Variants in GCLM observed in about 807,000 individuals in gnomAD.
GCLM encodes glutamate-cysteine ligase modifier subunit.
A neutral mutation model predicts 36.0 loss-of-function variants in GCLM; 15 were observed. That is an observed-to-expected ratio of 0.42 (90% CI 0.28 to 0.64). GCLM has a LOEUF of 0.64. Among genes scored for constraint, GCLM ranks in the 30% least tolerant of loss-of-function variants. GCLM has a pLI of 0.25. For missense variants in GCLM, 242 were observed against 325.5 expected (o/e 0.74, Z 1.97); for synonymous variants, 129 against 122.8 (o/e 1.05, Z -0.34).
chr1:93,905,173 C>CAAAAAA (rs921621833), intron 1 of GCLM, among the ~76,000 whole-genome samples: 1 of 68,320 alleles, frequency 1.5e-5, no homozygotes, highest in African/African-American at 4.2e-5. Flanking sequence ...ACTCTATTTC[C>CAAAAAA]AAAAAAAAAA....
At chr1:93,898,276 A>C (rs1043791393) in intron 3 of GCLM, among the ~76,000 whole-genome samples, 10 of 145,236 alleles carry the variant, frequency 6.9e-5, no homozygotes, top group African/African-American at 2.5e-4. Flanking sequence ...ACAAAGACTA[A>C]ATTGAAAATG....
At chr1:93,899,215 A>G (rs1170854520) in intron 3 of GCLM, among the ~76,000 whole-genome samples, 3 of 152,018 alleles carry the variant, frequency 2.0e-5, no homozygotes, top group Non-Finnish European at 4.4e-5. Flanking sequence ...CTGGGATTAT[A>G]GGCCTGCGCC....
At chr1:93,904,831 T>C (rs1412515811) in intron 1 of GCLM, among the ~76,000 whole-genome samples, 2 of 152,208 alleles carry the variant, frequency 1.3e-5, no homozygotes, top group African/African-American at 2.4e-5. Context: ...CTAATTACTT[T>C]AAAGCTTTTT....
intron 1 of GCLM, among the ~76,000 whole-genome samples, chr1:93,906,399 C>T (rs1657147905): frequency 6.6e-6 from 1 of 152,134 alleles, no homozygotes; most frequent in African/African-American, 2.4e-5. Flanking sequence ...ATCGGAAGTG[C>T]TTTGGCTCAA....
intron 2 of GCLM, among the ~76,000 whole-genome samples, chr1:93,904,047 GA>G (rs1164386546): frequency 6.6e-6 from 1 of 152,142 alleles, no homozygotes; most frequent in Non-Finnish European, 1.5e-5. Context: ...GTGAGCCTTT[GA>G]CTGAGTTGGA....
At chr1:93,893,712 T>C (rs1656616976) in intron 6 of GCLM, among the ~76,000 whole-genome samples, 1 of 152,246 alleles carries the variant, frequency 6.6e-6, no homozygotes, top group African/African-American at 2.4e-5. Context: ...TACTTAATAA[T>C]ATACAGGCTC....
chr1:93,890,821 T>G (rs61782165), intron 6 of GCLM, among the ~76,000 whole-genome samples: 9,603 of 152,034 alleles, frequency 0.063, 341 homozygotes, highest in South Asian at 0.093. Context: ...TACTTTACAC[T>G]TCTACCAGCA....
intron 2 of GCLM, among the ~76,000 whole-genome samples, chr1:93,903,937 T>C (rs1657053753): frequency 1.3e-5 from 2 of 152,198 alleles, no homozygotes; most frequent in South Asian, 2.1e-4. Context: ...AATGTCTATA[T>C]AGTAGCTATA....
intron 5 of GCLM, among the ~76,000 whole-genome samples, chr1:93,895,541 TTCCAGTAGC>T (rs1656695151): frequency 1.3e-5 from 2 of 152,160 alleles, no homozygotes; most frequent in Non-Finnish European, 2.9e-5. Context: ...AATTGACAGC[TTCCAGTAGC>T]TACACTGGTT....
intron 2 of GCLM, among the ~76,000 whole-genome samples, chr1:93,903,716 G>A (rs1175910084): frequency 6.6e-6 from 1 of 152,140 alleles, no homozygotes; most frequent in Non-Finnish European, 1.5e-5. Flanking sequence ...AATTTACAAG[G>A]ATAATGAGAA....
intron 4 of GCLM, among the ~76,000 whole-genome samples, chr1:93,897,450 G>GTA (rs1163852034): frequency 6.6e-6 from 1 of 151,218 alleles, no homozygotes; most frequent in East Asian, 1.9e-4. Flanking sequence ...TTTTATTTAA[G>GTA]TATTGAATAA....
chr1:93,908,754 C>A, intron 1 of GCLM: 1 of 244,504 alleles, frequency 4.1e-6, no homozygotes. Context: ...GGAAGAGGGA[C>A]CCAGGATGTT....
At position 93,905,240 on chromosome 1, in the gene GCLM, G is replaced by A. The variant is rs1657107199; in HGVS notation, c.127-652C>T. ...TAAGGTTTATAAACAAAGGAACTTG[G>A]AGTCAAGCCCAGGCTGTCTGACTAG... On this transcript the variant is annotated intron_variant, in intron 1 of 6. Coordinates refer to ENST00000370238, the MANE Select transcript of GCLM (RefSeq NM_002061.4). Among the ~76,000 whole-genome samples, 6 of 151,192 alleles carry A rather than the reference G, an allele frequency of 4.0e-5. No individual in the cohort carries two copies. The South Asian group carries it at 1.0e-3, about 26-fold the overall frequency.
intron 6 of GCLM, among the ~76,000 whole-genome samples, chr1:93,889,817 A>G (rs1160256108): frequency 3.3e-5 from 5 of 151,464 alleles, no homozygotes; most frequent in Non-Finnish European, 7.4e-5. Flanking sequence ...TAATTCATAT[A>G]TTTCCTTATT....
intron 6 of GCLM, among the ~76,000 whole-genome samples, chr1:93,889,900 T>A (rs996867622): frequency 1.5e-4 from 22 of 150,552 alleles, no homozygotes; most frequent in Admixed American, 4.6e-4. Context: ...ATTCTTTTTT[T>A]AAAAAATATA....
Position 93,889,185 on chromosome 1 carries a change from C to A in GCLM, c.656-26G>T, listed in dbSNP as rs749433572. 2.6e-6 allele frequency: 4 copies of A among 1,511,054 alleles called. No individual in the cohort carries two copies. In the South Asian group the frequency reaches 5.2e-5, roughly 20 times the overall value. The allele number at this position is 1,511,054 out of a possible 1,614,324, so 93.6% of individuals were successfully genotyped here. On this transcript the variant is annotated intron_variant, in intron 6 of 6. Transcript: ENST00000370238. ...CTAAAAGAAACAACAACAAACAAAA[C>A]TCCAGCGTGTTAAATTGGAAAACAA...
intron 2 of GCLM, chr1:93,904,267 T>C (rs559952066): frequency 1.6e-5 from 7 of 435,626 alleles, no homozygotes; most frequent in South Asian, 1.4e-4. Context: ...AATAAAACAC[T>C]GATAGTGAGG....
At chr1:93,895,698 TGAA>T (rs1392494031) in intron 5 of GCLM, among the ~76,000 whole-genome samples, 3 of 152,182 alleles carry the variant, frequency 2.0e-5, no homozygotes, top group Admixed American at 1.3e-4. Flanking sequence ...AGGAGAAGGC[TGAA>T]GAAGAAGTAA....
In GCLM at chr1:93,896,644, A is replaced by G. The variant is rs761459298; in HGVS notation, c.514T>C (p.Leu172=). 7 of 1,613,592 alleles carry G rather than the reference A, an allele frequency of 4.3e-6. No individual in the cohort carries two copies. The East Asian group carries it at 8.9e-5, about 21-fold the overall frequency. The change falls in exon 5 of 7, where the codon TTG becomes CTG. Residue 172 remains leucine, a synonymous_variant. Transcript: ENST00000370238. ...TGTGCCCACTGATACAGCTGTTCCA[A>G]CTGTGTTTTGTCTAGATCAGAGGTA... ...IGTSDLDKTQ[L]EQLYQWAQVK...
Sources: allele counts gnomAD v4.1 joint callset (sites outside exome capture counted in the v4.1 genomes callset), GRCh38; gene constraint gnomAD v4.1.1; transcripts MANE v1.5; gene names NCBI Gene and HGNC (gene_info 2026-07-23, HGNC 2026-07-21).